The following LINGO4 variants were observed in gnomAD, a reference collection of about 807,000 sequenced individuals.
The protein encoded by LINGO4 is leucine rich repeat and Ig domain containing 4, also known as leucine-rich repeat and immunoglobulin-like domain-containing nogo receptor-interacting protein 4.
Under a neutral mutation model 27.9 loss-of-function variants are expected in LINGO4, and 22 were observed. The observed-to-expected ratio is 0.79, with a 90% CI of 0.56 to 1.13. The LOEUF is 1.13. Ranked by LOEUF, LINGO4 falls within the 50% of genes most tolerant of loss-of-function variation. The probability of loss-of-function intolerance (pLI) is 0.00; values close to 1 mark genes in which losing one functional copy is unlikely to be tolerated. For missense variants in LINGO4, 706 were observed against 739.4 expected (o/e 0.95, Z 0.52); for synonymous variants, 306 against 325.8 (o/e 0.94, Z 0.65).
intron 1 of LINGO4, among the ~76,000 whole-genome samples, chr1:151,804,266 G>A (rs1477942483): frequency 6.6e-6 from 1 of 152,160 alleles, no homozygotes; most frequent in East Asian, 1.9e-4. Flanking sequence ...TCCTAGTTGG[G>A]AAACTAAAGA....
Position 151,802,210 on chromosome 1 carries a change from G to A in LINGO4, c.495C>T (p.Asp165=). 1.2e-6 allele frequency: 2 copies of A among 1,614,164 alleles called. No individual in the cohort carries two copies. Among genetic ancestry groups the A allele is most frequent in the Non-Finnish European group, 1.7e-6 (2 of 1,180,028 alleles). Residue 165 remains aspartate (D), a synonymous_variant, in exon 2 of 2, where the codon GAC becomes GAT. Transcript: ENST00000368820. ...CCGGAGCCACAAATACCAGGTGGTT[G>A]TCCCCAACCTCCAGCTTCTGGAGGC... ...LGSLQKLEVG[D]NHLVFVAPGA...
In LINGO4 at chr1:151,802,623, C is replaced by T. The variant is rs779992792; in HGVS notation, c.82G>A (p.Gly28Ser). Residue 28 changes from glycine to serine, a missense_variant, in exon 2 of 2, where the codon GGT becomes AGT. Physicochemically the swap from Gly to Ser is moderately conservative, Grantham distance 56. Transcript: ENST00000368820. ...TCACACACAGCAGGGCAGCTGCCACCGCTCCCTCCAGGTAGGAGGAGGAGG... is the reference window on the plus strand; with the variant it reads ...TCACACACAGCAGGGCAGCTGCCACTGCTCCCTCCAGGTAGGAGGAGGAGG... ...LFLLLLPGGS[G>S]GSCPAVCDCT... 32 of 1,593,690 alleles carry T rather than the reference C, an allele frequency of 2.0e-5. No individual in the cohort carries two copies. Among genetic ancestry groups the T allele is most frequent in the Non-Finnish European group, 2.5e-5 (29 of 1,169,754 alleles).
At chr1:151,804,932 T>C (rs1651245769) in intron 1 of LINGO4, among the ~76,000 whole-genome samples, 1 of 152,120 alleles carries the variant, frequency 6.6e-6, no homozygotes, top group South Asian at 2.1e-4. Context: ...GGGAGAGGGT[T>C]CCTGGGGGAA....
Position 151,802,665 on chromosome 1 carries a change from A to T in LINGO4, c.40T>A (p.Trp14Arg). The T allele has an allele frequency of 6.5e-7, 1 of 1,545,118 alleles. No individual in the cohort carries two copies. The highest frequency in any genetic ancestry group is 8.7e-7 in the Non-Finnish European group (1 of 1,148,460). The change falls in exon 2 of 2, where the codon TGG (tryptophan) becomes AGG (arginine). Residue 14 changes from tryptophan (W) to arginine (R), a missense_variant. Transcript: ENST00000368820. ...AGGAGGAGGAAAAGGAGCGGGGGCCATGGGGGCCAGGCTTGCTTTGGAGCT... is the reference window on the plus strand; with the variant it reads ...AGGAGGAGGAAAAGGAGCGGGGGCCTTGGGGGCCAGGCTTGCTTTGGAGCT... ...ATAPKQAWPP[W>R]PPLLFLLLLP...
Position 151,801,228 on chromosome 1 carries a change from CAT to C in LINGO4, c.1475_1476del (p.Asn492ArgfsTer21). The C allele has an allele frequency of 6.2e-7, 1 of 1,614,188 alleles. No homozygotes were observed. Among genetic ancestry groups the C allele is most frequent in the Non-Finnish European group, 8.5e-7 (1 of 1,180,028 alleles). ...ACTTCCAGCCAGGTCCTCAGGGAGT[CAT>C]TCCCAGCGACATTGCTAACCACACA... The part of the protein sequence containing the change: ...YVCVVSNVAG[N>X]DSLRTWLEVI... On this transcript the variant is annotated frameshift_variant, in exon 2 of 2. Transcript: ENST00000368820. LOFTEE classifies it high-confidence loss of function. The surrounding 1 kb of genome is among the most constrained non-coding windows in gnomAD (Gnocchi z 5.7).
At chr1:151,804,461 G>T (rs1312085728) in intron 1 of LINGO4, among the ~76,000 whole-genome samples, 1 of 152,202 alleles carries the variant, frequency 6.6e-6, no homozygotes, top group Admixed American at 6.5e-5. Context: ...CCCTAGGCTT[G>T]TTCTGGGAAG....
In LINGO4 at chr1:151,805,374, C is replaced by CGCT. The variant is rs907574552; in HGVS notation, c.-161_-159dup. On this transcript the variant is annotated 5_prime_UTR_variant, in exon 1 of 2. Coordinates refer to ENST00000368820, the MANE Select transcript of LINGO4 (RefSeq NM_001004432.4). ...GCCTGGCTGCCCGGCTGCTGCCTGC[C>CGCT]GCTGCTGCTGCTGCTGTTGCTGCTG... 15 of 194,218 alleles carry CGCT rather than the reference C, an allele frequency of 7.7e-5. No individual in the cohort carries two copies. The highest frequency in any genetic ancestry group is 1.6e-4 in the South Asian group (2 of 12,682). 12.0% of individuals were successfully genotyped at this position (194,218 alleles called of 1,614,324 possible).
chr1:151,800,933 T>C lies in LINGO4; in HGVS notation c.1772A>G (p.Lys591Arg). 6.2e-7 allele frequency: 1 copy of C among 1,606,048 alleles called. No homozygotes were observed. The highest frequency in any genetic ancestry group is 8.5e-7 in the Non-Finnish European group (1 of 1,174,886). ...KNSGGNRVTAKLF is the reference protein window; with the variant it reads ...KNSGGNRVTARLF ...CTGGGGAAGGAAAGGTCAGAAGAGC[T>C]TGGCAGTGACCCGGTTACCCCCAGA... is the stretch of plus-strand genomic sequence containing the variant. The change falls in exon 2 of 2, where the codon AAG becomes AGG. Residue 591 changes from lysine (K) to arginine (R), a missense_variant. Coordinates refer to ENST00000368820, the MANE Select transcript of LINGO4 (RefSeq NM_001004432.4).
In LINGO4 at chr1:151,801,337, G is replaced by A. The variant is rs200643907; in HGVS notation, c.1368C>T (p.Gly456=). The part of the protein sequence containing the change: ...SWMRPHGAWL[G]RAGRVRVLED... ...CTAGGACCCTTACTCTCCCAGCCCT[G>A]CCCAGCCAAGCCCCATGAGGCCTCA... The change falls in exon 2 of 2, where the codon GGC becomes GGT. Residue 456 remains glycine (G), a synonymous_variant. Coordinates refer to ENST00000368820, the MANE Select transcript of LINGO4 (RefSeq NM_001004432.4). The surrounding 1 kb of genome is among the most constrained non-coding windows in gnomAD (Gnocchi z 5.7). The A allele has an allele frequency of 6.2e-7, 1 of 1,612,698 alleles. No homozygotes were observed. The highest frequency in any genetic ancestry group is 8.5e-7 in the Non-Finnish European group (1 of 1,178,924).
In LINGO4 at chr1:151,801,611, C is replaced by A. The variant is rs201756252; in HGVS notation, c.1094G>T (p.Arg365Leu). 1.2e-6 allele frequency: 2 copies of A among 1,613,782 alleles called. No homozygotes were observed. The highest frequency in any genetic ancestry group is 2.7e-5 in the African/African-American group (2 of 74,918). ...GCGGAGCCGGAGCAGCCAGAGGAGG[C>A]GGCAGTCACAGGTTAGGGGGTTGCC... is the stretch of plus-strand genomic sequence containing the variant. Reference protein sequence around the residue: ...LSGNPLTCDCRLLWLLRLRRH... With the variant: ...LSGNPLTCDCLLLWLLRLRRH... Residue 365 changes from arginine (R) to leucine (L), a missense_variant, in exon 2 of 2, where the codon CGC becomes CTC. Physicochemically the swap from Arg to Leu is moderately radical, Grantham distance 102. Coordinates refer to ENST00000368820, the MANE Select transcript of LINGO4 (RefSeq NM_001004432.4). This position sits in a 1 kb window ranked among gnomAD's most constrained non-coding sequence, Gnocchi z 5.7.
At position 151,800,983 on chromosome 1, in the gene LINGO4, T is replaced by G; in HGVS notation, c.1722A>C (p.Ala574=). Residue 574 remains alanine (A), a synonymous_variant, in exon 2 of 2, where the codon GCA becomes GCC. Transcript: ENST00000368820. ...AGTTTTTATCCCCAGAGGGCCGAGG[T>G]GCCACAAAGTCAAAGGTCATGTGAT... ...VKHHMTFDFV[A]PRPSGDKNSG... 1 of 1,614,006 alleles carries G rather than the reference T, an allele frequency of 6.2e-7. No individual in the cohort carries two copies. The highest frequency in any genetic ancestry group is 1.1e-5 in the South Asian group (1 of 91,086).
intron 1 of LINGO4, among the ~76,000 whole-genome samples, chr1:151,803,025 G>A (rs935054316): frequency 1.3e-5 from 2 of 152,124 alleles, no homozygotes; most frequent in Non-Finnish European, 2.9e-5. Context: ...ATGGGGCAGG[G>A]AACAGCAGGG....
chr1:151,800,941 G>T lies in LINGO4; in HGVS notation c.1764C>A (p.Val588=). The change falls in exon 2 of 2, where the codon GTC becomes GTA. Residue 588 remains valine (V), a synonymous_variant. Coordinates refer to ENST00000368820, the MANE Select transcript of LINGO4 (RefSeq NM_001004432.4). ...SGDKNSGGNR[V]TAKLF ...GGAAAGGTCAGAAGAGCTTGGCAGT[G>T]ACCCGGTTACCCCCAGAGTTTTTAT... is the stretch of plus-strand genomic sequence containing the variant. 1.2e-6 allele frequency: 2 copies of T among 1,608,798 alleles called. No individual in the cohort carries two copies. Among genetic ancestry groups the T allele is most frequent in the Non-Finnish European group, 1.7e-6 (2 of 1,176,368 alleles).
chr1:151,801,047 A>T lies in LINGO4; in HGVS notation c.1658T>A (p.Leu553Gln), dbSNP rs770146846. The T allele has an allele frequency of 6.2e-7, 1 of 1,614,192 alleles. No individual in the cohort carries two copies. The highest frequency in any genetic ancestry group is 8.5e-7 in the Non-Finnish European group (1 of 1,180,038). ...TTTGCCCTTGCTCCAAAGGGCAATCAGGCCAAAGCAGAGGGTCACTGAGGT... is the reference window on the plus strand; with the variant it reads ...TTTGCCCTTGCTCCAAAGGGCAATCTGGCCAAAGCAGAGGGTCACTGAGGT... ...FLTSVTLCFG[L>Q]IALWSKGKGR... The change falls in exon 2 of 2, where the codon CTG becomes CAG. Residue 553 changes from leucine (L) to glutamine (Q), a missense_variant. Leu to Gln is a moderately radical substitution (Grantham distance 113). Transcript: ENST00000368820. This position sits in a 1 kb window ranked among gnomAD's most constrained non-coding sequence, Gnocchi z 5.7.
Position 151,802,370 on chromosome 1 carries a change from G to T in LINGO4, c.335C>A (p.Thr112Asn). Reference protein sequence around the residue: ...GAFHGLQSLLTLRLQGNRLRI... With the variant: ...GAFHGLQSLLNLRLQGNRLRI... ...GAGCCGATTGCCCTGCAGCCTCAGGGTGAGTAGGCTTTGTAGGCCATGGAA... is the reference window on the plus strand; with the variant it reads ...GAGCCGATTGCCCTGCAGCCTCAGGTTGAGTAGGCTTTGTAGGCCATGGAA... Residue 112 changes from threonine (T) to asparagine (N), a missense_variant, in exon 2 of 2, where the codon ACC (threonine) becomes AAC (asparagine). Coordinates refer to ENST00000368820, the MANE Select transcript of LINGO4 (RefSeq NM_001004432.4). The T allele has an allele frequency of 6.2e-7, 1 of 1,614,224 alleles. No homozygotes were observed. The highest frequency in any genetic ancestry group is 8.5e-7 in the Non-Finnish European group (1 of 1,180,038).
At chr1:151,803,842 A>G (rs1651217022) in intron 1 of LINGO4, among the ~76,000 whole-genome samples, 1 of 152,088 alleles carries the variant, frequency 6.6e-6, no homozygotes, top group South Asian at 2.1e-4. Flanking sequence ...GGTTCCGGGA[A>G]CCCTCAGGAA....
rs369743932 is a variant in LINGO4 at position 151,801,075 on chromosome 1, G to A, written c.1630C>T (p.Leu544Phe). ...MVLAVGFLPF[L>F]TSVTLCFGLI... ...CCAAAGCAGAGGGTCACTGAGGTGA[G>A]GAAGGGGAGGAAGCCGACTGCCAGC... The change falls in exon 2 of 2, where the codon CTC becomes TTC. Residue 544 changes from leucine (L) to phenylalanine (F), a missense_variant. By Grantham distance (22) the Leu-to-Phe change is conservative. Coordinates refer to ENST00000368820, the MANE Select transcript of LINGO4 (RefSeq NM_001004432.4). This position sits in a 1 kb window ranked among gnomAD's most constrained non-coding sequence, Gnocchi z 5.7. The A allele has an allele frequency of 6.2e-7, 1 of 1,614,204 alleles. No homozygotes were observed. Among genetic ancestry groups the A allele is most frequent in the Admixed American group, 1.7e-5 (1 of 60,022 alleles).
chr1:151,800,916 G>C lies in LINGO4; in HGVS notation c.*7C>G. ...ACTTGGTGGGTTCCCCACTGGGGAA[G>C]GAAAGGTCAGAAGAGCTTGGCAGTG... On this transcript the variant is annotated 3_prime_UTR_variant, in exon 2 of 2. Transcript: ENST00000368820. 6.3e-7 allele frequency: 1 copy of C among 1,590,198 alleles called. No homozygotes were observed. Among genetic ancestry groups the C allele is most frequent in the Non-Finnish European group, 8.6e-7 (1 of 1,166,228 alleles).
chr1:151,802,272 C>A lies in LINGO4; in HGVS notation c.433G>T (p.Val145Phe). 6.2e-7 allele frequency: 1 copy of A among 1,614,198 alleles called. No homozygotes were observed. Among genetic ancestry groups the A allele is most frequent in the African/African-American group, 1.3e-5 (1 of 75,050 alleles). Reference sequence around the variant, plus strand: ...CCAAAAGCTCCATCTAGGAAGAGAACAATCTGGTTGAGGCGGAGGTCCAGC... The same window carrying A: ...CCAAAAGCTCCATCTAGGAAGAGAAAAATCTGGTTGAGGCGGAGGTCCAGC... Reference protein sequence around the residue: ...TLLDLRLNQIVLFLDGAFGEL... With the variant: ...TLLDLRLNQIFLFLDGAFGEL... Residue 145 changes from valine to phenylalanine, a missense_variant, in exon 2 of 2, where the codon GTT becomes TTT. Coordinates refer to ENST00000368820, the MANE Select transcript of LINGO4 (RefSeq NM_001004432.4).
Sources: allele counts gnomAD v4.1 joint callset (sites outside exome capture counted in the v4.1 genomes callset), GRCh38; gene constraint gnomAD v4.1.1; non-coding constraint Gnocchi (gnomAD v3.1); transcripts MANE v1.5; gene names NCBI Gene and HGNC (gene_info 2026-07-23, HGNC 2026-07-21).